The following CDH13 variants were observed in gnomAD, a reference collection of about 807,000 sequenced individuals.
CDH13 encodes the protein cadherin-13.
Under a neutral mutation model 63.8 loss-of-function variants are expected in CDH13, and 24 were observed. That is an observed-to-expected ratio of 0.38 (90% CI 0.27 to 0.53). The LOEUF (loss-of-function observed/expected upper bound fraction) is 0.53, where lower values mean the gene tolerates loss of function less well. Ranked by LOEUF, CDH13 falls within the 20% of genes least tolerant of loss-of-function variation. CDH13 has a pLI of 0.85. For synonymous variants in CDH13, 503 were observed against 355.3 expected (o/e 1.42, Z -4.67); for missense variants, 1,049 against 903.1 (o/e 1.16, Z -2.07).
intron 7 of CDH13, among the ~76,000 whole-genome samples, chr16:83,506,017 G>A (rs1345126593): frequency 6.6e-6 from 1 of 152,198 alleles, no homozygotes; most frequent in Non-Finnish European, 1.5e-5. Flanking sequence ...ACACATTCAG[G>A]GAATGGGTAG....
intron 10 of CDH13, among the ~76,000 whole-genome samples, chr16:83,736,759 A>G (rs906325567): frequency 6.6e-6 from 1 of 152,226 alleles, no homozygotes; most frequent in Non-Finnish European, 1.5e-5. Flanking sequence ...CGGCCACAGC[A>G]AAATCTTATT....
chr16:83,282,657 C>G (rs1269568656), intron 5 of CDH13, among the ~76,000 whole-genome samples: 1 of 152,188 alleles, frequency 6.6e-6, no homozygotes, highest in Non-Finnish European at 1.5e-5. Context: ...TGTAAATCAA[C>G]AAGAAAGAGA....
intron 1 of CDH13, among the ~76,000 whole-genome samples, chr16:82,734,300 A>T (rs72837599): frequency 0.041 from 6,234 of 152,278 alleles, 150 homozygotes; most frequent in African/African-American, 0.055. Context: ...GAAAAACTTA[A>T]ATGTTTACTA....
intron 1 of CDH13, among the ~76,000 whole-genome samples, chr16:82,831,705 C>T (rs2038550109): frequency 6.6e-6 from 1 of 152,210 alleles, no homozygotes; most frequent in African/African-American, 2.4e-5. Context: ...AATATTTCTG[C>T]TGCTCCACAT....
rs141425360 is a variant in CDH13, at chr16:83,081,117, G to T, written c.367-44268G>T. The stretch of plus-strand genomic sequence containing the variant: ...GCTGGTCTCGAACTCCCGACGTCAG[G>T]TGATCTGCCCACCTCAGCCTCCCAA... On this transcript the variant is annotated intron_variant, in intron 3 of 13. Coordinates refer to ENST00000567109, the MANE Select transcript of CDH13 (RefSeq NM_001257.5). Among the ~76,000 whole-genome samples the T allele has an allele frequency of 6.0e-3, 907 of 151,984 alleles. 13 individuals are homozygous for T. Among genetic ancestry groups the T allele is most frequent in the African/African-American group, 0.021 (882 of 41,456 alleles).
chr16:83,062,961 C>CT (rs1567794051), intron 3 of CDH13, among the ~76,000 whole-genome samples: 4 of 109,522 alleles, frequency 3.7e-5, no homozygotes, highest in Non-Finnish European at 3.7e-5. Flanking sequence ...TGGTGGTTGG[C>CT]ATTTTTTTTT....
intron 11 of CDH13, among the ~76,000 whole-genome samples, chr16:83,768,094 T>G (rs189059311): frequency 1.3e-5 from 2 of 152,344 alleles, no homozygotes; most frequent in African/African-American, 2.4e-5. Context: ...ATGTATTATT[T>G]TAATGTTAAT....
chr16:83,153,822 G>A (rs962271418), intron 4 of CDH13, among the ~76,000 whole-genome samples: 1 of 152,106 alleles, frequency 6.6e-6, no homozygotes, highest in African/African-American at 2.4e-5. Context: ...TGGCATTTCG[G>A]TTTTTTGTGG....
chr16:82,973,125 A>G (rs4783302), intron 2 of CDH13, among the ~76,000 whole-genome samples: 18,008 of 152,202 alleles, frequency 0.12, 1,304 homozygotes, highest in East Asian at 0.17. Flanking sequence ...TATTTAGAAC[A>G]ATTAAATGCT....
chr16:82,891,535 C>G (rs559311208), intron 2 of CDH13, among the ~76,000 whole-genome samples: 8 of 152,302 alleles, frequency 5.3e-5, no homozygotes, highest in African/African-American at 1.4e-4. Context: ...ATTGAGTACA[C>G]TGCACCATCA....
chr16:83,457,996 C>A (rs2073069903), intron 6 of CDH13, among the ~76,000 whole-genome samples: 2 of 152,172 alleles, frequency 1.3e-5, no homozygotes, highest in Admixed American at 1.3e-4. Context: ...GTCCCGGGGG[C>A]AGAATGGGAG....
chr16:82,902,706 T>C (rs774458746), intron 2 of CDH13, among the ~76,000 whole-genome samples: 9 of 152,064 alleles, frequency 5.9e-5, no homozygotes, highest in Non-Finnish European at 1.0e-4. Flanking sequence ...CATTCATTCA[T>C]TTTTGTCTCT....
rs74622926 is a variant in CDH13 at position 83,740,290 on chromosome 16, G to T, written c.1539-7818G>T. 1.4e-4 allele frequency among the ~76,000 whole-genome samples: 22 copies of T among 151,888 alleles called. No homozygotes were observed. In the East Asian group the frequency reaches 4.3e-3, roughly 30 times the overall value. ...GGAAGTCATTGGTGGGTTTTAAGCCGGGGATTCACACTCTGTGATTTAACA... is the reference window on the plus strand; with the variant it reads ...GGAAGTCATTGGTGGGTTTTAAGCCTGGGATTCACACTCTGTGATTTAACA... On this transcript the variant is annotated intron_variant, in intron 10 of 13. Transcript: ENST00000567109.
intron 7 of CDH13, among the ~76,000 whole-genome samples, chr16:83,600,600 T>G (rs539375494): frequency 8.1e-4 from 123 of 152,296 alleles, no homozygotes; most frequent in Non-Finnish European, 1.3e-3. Flanking sequence ...TTGCTTCCTG[T>G]GGTATTTCTT....
chr16:83,240,715 A>ATAT (rs761301050), intron 5 of CDH13, among the ~76,000 whole-genome samples: 2 of 49,528 alleles, frequency 4.0e-5, no homozygotes, highest in East Asian at 1.2e-3. Flanking sequence ...TACTGTCTTA[A>ATAT]TCTTTTTTTT....
intron 6 of CDH13, among the ~76,000 whole-genome samples, chr16:83,441,431 A>G (rs2072477094): frequency 6.6e-6 from 1 of 152,254 alleles, no homozygotes; most frequent in Non-Finnish European, 1.5e-5. Flanking sequence ...TTCCTACCAA[A>G]TATTAACAGT....
intron 2 of CDH13, among the ~76,000 whole-genome samples, chr16:82,928,005 T>G (rs2151290534): frequency 6.6e-6 from 1 of 152,310 alleles, no homozygotes; most frequent in Admixed American, 6.5e-5. Context: ...TAGCTATGTT[T>G]TTGCTGTGTA....
intron 13 of CDH13, among the ~76,000 whole-genome samples, chr16:83,793,727 G>A (rs370355093): frequency 6.6e-6 from 1 of 151,724 alleles, no homozygotes; most frequent in South Asian, 2.1e-4. Flanking sequence ...CAAAAGAATC[G>A]CTCAAACCTG....
At chr16:82,643,480 A>G (rs569475142) in intron 1 of CDH13, among the ~76,000 whole-genome samples, 3 of 152,380 alleles carry the variant, frequency 2.0e-5, no homozygotes, top group Admixed American at 6.5e-5. Flanking sequence ...ATTAAGACCC[A>G]GGCTGTTTGG....
Sources: allele counts gnomAD v4.1 joint callset (sites outside exome capture counted in the v4.1 genomes callset), GRCh38; gene constraint gnomAD v4.1.1; transcripts MANE v1.5; gene names NCBI Gene and HGNC (gene_info 2026-07-23, HGNC 2026-07-21).